The following TNFSF4 variants were observed in gnomAD, a reference collection of about 807,000 sequenced individuals.
TNFSF4 encodes the protein tumor necrosis factor ligand superfamily member 4.
In TNFSF4, 4 loss-of-function variants were observed where a neutral mutation model predicts 7.3. The ratio of observed to expected loss-of-function variants is 0.55; its 90% confidence interval spans 0.27 to 1.25. TNFSF4 has a LOEUF of 1.25. TNFSF4 is among the 50% of genes most tolerant of loss of function. The probability of loss-of-function intolerance (pLI) is 0.12; values close to 1 mark genes in which losing one functional copy is unlikely to be tolerated. For missense variants in TNFSF4, 181 were observed against 208.8 expected, an observed-to-expected ratio of 0.87 and a Z score of 0.82; for synonymous variants, 76 against 83.7, an observed-to-expected ratio of 0.91 and a Z score of 0.50.
intron 1 of TNFSF4, among the ~76,000 whole-genome samples, chr1:173,201,079 C>T (rs1286946425): frequency 6.6e-6 from 1 of 152,162 alleles, no homozygotes; most frequent in African/African-American, 2.4e-5. Flanking sequence ...TAATTTCCTG[C>T]CTTATTTGGT....
chr1:173,217,497 C>A, the TNFSF4 span, among the ~76,000 whole-genome samples: 8 of 152,276 alleles, frequency 5.3e-5, no homozygotes, highest in South Asian at 8.3e-4. Flanking sequence ...AAGGCACACA[C>A]CTTCTACCGT....
At chr1:173,211,679 C>T (rs545706289), upstream of TNFSF4, among the ~76,000 whole-genome samples, 25 of 152,336 alleles carry the variant, frequency 1.6e-4, no homozygotes, top group African/African-American at 5.5e-4. Flanking sequence ...TTACACATTC[C>T]CCATGAAGGG....
At chr1:173,440,331 T>C in the TNFSF4 span, 2 of 152,302 alleles carry the variant, frequency 1.3e-5, no homozygotes, top group Admixed American at 6.5e-5. Context: ...TGATTTACTT[T>C]ATACAATGAC....
the TNFSF4 span, among the ~76,000 whole-genome samples, chr1:173,416,652 A>AG: frequency 6.2e-5 from 9 of 144,170 alleles, no homozygotes; most frequent in Admixed American, 2.1e-4. Context: ...AGAGAGAGAG[A>AG]AGATCTCACT....
intron 1 of TNFSF4, among the ~76,000 whole-genome samples, chr1:173,205,063 G>A (rs563719694): frequency 1.4e-4 from 22 of 152,108 alleles, no homozygotes; most frequent in Non-Finnish European, 5.9e-5. Context: ...AAGATTAAAT[G>A]TAAGGACCCA....
chr1:173,356,801 T>C, the TNFSF4 span, among the ~76,000 whole-genome samples: 1 of 152,216 alleles, frequency 6.6e-6, no homozygotes, highest in South Asian at 2.1e-4. Context: ...GTGTTCTCTG[T>C]ATATTAGGAA....
upstream of TNFSF4, among the ~76,000 whole-genome samples, chr1:173,211,887 T>A (rs775566181): frequency 6.6e-6 from 1 of 152,238 alleles, no homozygotes; most frequent in Non-Finnish European, 1.5e-5. Context: ...GAAATTCTGA[T>A]TCCTTGGGTG....
intron 1 of TNFSF4, among the ~76,000 whole-genome samples, chr1:173,188,781 C>T (rs561181284): frequency 3.3e-5 from 5 of 152,232 alleles, no homozygotes; most frequent in South Asian, 2.1e-4. Flanking sequence ...GACACAATCA[C>T]GGCTCCCTGC....
the TNFSF4 span, among the ~76,000 whole-genome samples, chr1:173,398,592 A>AT: frequency 1.3e-5 from 2 of 150,804 alleles, no homozygotes; most frequent in Non-Finnish European, 3.0e-5. Flanking sequence ...ACCCAGCTAA[A>AT]TTTTTTTGTA....
At chr1:173,362,442 A>G in the TNFSF4 span, 1 of 492,996 alleles carries the variant, frequency 2.0e-6, no homozygotes, top group South Asian at 1.6e-5. Context: ...TCTTTTTGGT[A>G]GCTTTTAATT....
chr1:173,395,724 C>T, the TNFSF4 span, among the ~76,000 whole-genome samples: 5 of 152,042 alleles, frequency 3.3e-5, no homozygotes, highest in East Asian at 3.9e-4. Flanking sequence ...AAAGTGAGGA[C>T]ATAAAGTAGG....
At chr1:173,430,010 C>T in the TNFSF4 span, among the ~76,000 whole-genome samples, 1 of 152,178 alleles carries the variant, frequency 6.6e-6, no homozygotes, top group South Asian at 2.1e-4. Context: ...TAACCTTTAT[C>T]ACAGTCCTCA....
chr1:173,285,002 A>G, the TNFSF4 span, among the ~76,000 whole-genome samples: 2 of 152,222 alleles, frequency 1.3e-5, no homozygotes, highest in South Asian at 4.1e-4. Context: ...TATATCTGCC[A>G]TAAGTAACAA....
the TNFSF4 span, among the ~76,000 whole-genome samples, chr1:173,366,621 A>T: frequency 6.6e-6 from 1 of 152,314 alleles, no homozygotes; most frequent in South Asian, 2.1e-4. Context: ...TAAAATAACT[A>T]AAGGAGTATA....
chr1:173,201,764 G>C (rs921384094), intron 1 of TNFSF4, among the ~76,000 whole-genome samples: 2 of 152,030 alleles, frequency 1.3e-5, no homozygotes, highest in African/African-American at 4.8e-5. Flanking sequence ...TGAAAAGATT[G>C]GTTATCAAAA....
the TNFSF4 span, among the ~76,000 whole-genome samples, chr1:173,334,900 G>A: frequency 6.6e-6 from 1 of 152,096 alleles, no homozygotes; most frequent in Non-Finnish European, 1.5e-5. Context: ...TAAAGGTGAA[G>A]TACAAAGTGT....
the TNFSF4 span, among the ~76,000 whole-genome samples, chr1:173,341,251 A>G: frequency 6.6e-6 from 1 of 152,156 alleles, no homozygotes; most frequent in East Asian, 1.9e-4. Context: ...CAGAAGAAAT[A>G]CCTTTCCTTC....
the TNFSF4 span, among the ~76,000 whole-genome samples, chr1:173,297,210 G>A: frequency 2.0e-5 from 3 of 151,820 alleles, no homozygotes; most frequent in East Asian, 3.9e-4. Context: ...AGACTTCCAT[G>A]AGAAAAATGT....
At chr1:173,395,870 T>A in the TNFSF4 span, among the ~76,000 whole-genome samples, 1 of 151,976 alleles carries the variant, frequency 6.6e-6, no homozygotes, top group African/African-American at 2.4e-5. Context: ...AGAACAGCCT[T>A]CCCACCCACA....
Sources: allele counts gnomAD v4.1 joint callset (sites outside exome capture counted in the v4.1 genomes callset), GRCh38; gene constraint gnomAD v4.1.1; transcripts MANE v1.5; gene names NCBI Gene and HGNC (gene_info 2026-07-23, HGNC 2026-07-21).